Variants in ZCWPW2 observed in about 807,000 individuals in gnomAD.
The protein encoded by ZCWPW2 is zinc finger CW-type PWWP domain protein 2.
A neutral mutation model predicts 46.6 loss-of-function variants in ZCWPW2; 45 were observed. The ratio of observed to expected loss-of-function variants is 0.96; its 90% CI spans 0.76 to 1.24. The LOEUF (loss-of-function observed/expected upper bound fraction) is 1.24. ZCWPW2 is among the 50% of genes most tolerant of loss of function. The pLI is 0.00. For missense variants in ZCWPW2, 429 were observed against 403.9 expected (o/e 1.06, Z -0.53); for synonymous variants, 152 against 137.1 (o/e 1.11, Z -0.76).
At position 28,518,418 on chromosome 3, in the gene ZCWPW2, G is replaced by C. The variant is rs143907959; in HGVS notation, c.785-2574G>C. ...TTGATAACATAGTTTGTAGATTAAG[G>C]TAACTGCTATTTTTTGAGAATTATT... On this transcript the variant is annotated intron_variant, in intron 8 of 9. Transcript: ENST00000383768. Among the ~76,000 whole-genome samples, 38 of 152,144 alleles carry C rather than the reference G, an allele frequency of 2.5e-4. No homozygotes were observed. The East Asian group carries it at 4.2e-3, about 17-fold the overall frequency.
intron 1 of ZCWPW2, among the ~76,000 whole-genome samples, chr3:28,356,121 C>T (rs568840779): frequency 6.6e-6 from 1 of 152,144 alleles, no homozygotes; most frequent in Non-Finnish European, 1.5e-5. Flanking sequence ...GGGCTAATAT[C>T]CAGAATCGAC....
intron 1 of ZCWPW2, among the ~76,000 whole-genome samples, chr3:28,388,683 C>T (rs756138121): frequency 3.2e-4 from 49 of 152,166 alleles, no homozygotes; most frequent in Admixed American, 3.9e-4. Context: ...CTACTCATGA[C>T]AATTAAAATT....
chr3:28,482,073 A>G (rs1575187642), intron 5 of ZCWPW2, among the ~76,000 whole-genome samples: 1 of 152,314 alleles, frequency 6.6e-6, no homozygotes, highest in South Asian at 2.1e-4. Context: ...AGAAATGTAT[A>G]ATGACCTGTA....
intron 1 of ZCWPW2, among the ~76,000 whole-genome samples, chr3:28,365,134 A>G (rs1218510552): frequency 6.6e-6 from 1 of 151,126 alleles, no homozygotes; most frequent in African/African-American, 2.4e-5. Context: ...TTTGCTGTGC[A>G]GAAGCTCTTT....
intron 3 of ZCWPW2, among the ~76,000 whole-genome samples, chr3:28,427,596 G>A (rs562776893): frequency 1.3e-5 from 2 of 152,178 alleles, no homozygotes; most frequent in East Asian, 3.9e-4. Flanking sequence ...ATGAACAGAA[G>A]CTTTCTCTTT....
intron 2 of ZCWPW2, among the ~76,000 whole-genome samples, chr3:28,412,510 A>T (rs1440920847): frequency 3.9e-5 from 6 of 152,050 alleles, no homozygotes; most frequent in Admixed American, 2.0e-4. Flanking sequence ...GGGTAAGATC[A>T]CAAACTTAGA....
chr3:28,435,715 T>C (rs1213480793), intron 4 of ZCWPW2, among the ~76,000 whole-genome samples: 1 of 152,098 alleles, frequency 6.6e-6, no homozygotes, highest in Non-Finnish European at 1.5e-5. Context: ...CTCGAACTCC[T>C]GACCTTGTGA....
chr3:28,491,464 T>G (rs1316038588), intron 5 of ZCWPW2, among the ~76,000 whole-genome samples: 4 of 151,984 alleles, frequency 2.6e-5, no homozygotes. Flanking sequence ...AATGAGAAAA[T>G]GTACTAAATT....
chr3:28,484,812 G>A (rs1699541513), intron 5 of ZCWPW2, among the ~76,000 whole-genome samples: 1 of 150,822 alleles, frequency 6.6e-6, no homozygotes, highest in South Asian at 2.1e-4. Context: ...CTGCCTGCCT[G>A]CCTTCCTCTC....
intron 1 of ZCWPW2, among the ~76,000 whole-genome samples, chr3:28,382,517 GA>G (rs1030022777): frequency 6.6e-6 from 1 of 152,152 alleles, no homozygotes; most frequent in African/African-American, 2.4e-5. Context: ...TTTAACATGT[GA>G]ATTTTTTTGG....
At chr3:28,441,113 A>G (rs1697737533) in intron 4 of ZCWPW2, among the ~76,000 whole-genome samples, 2 of 152,182 alleles carry the variant, frequency 1.3e-5, no homozygotes, top group African/African-American at 4.8e-5. Flanking sequence ...GACAAAGATG[A>G]CTGGGGAAAG....
chr3:28,448,603 G>A (rs571818799), intron 4 of ZCWPW2, among the ~76,000 whole-genome samples: 72 of 151,506 alleles, frequency 4.8e-4, no homozygotes, highest in African/African-American at 1.7e-3. Flanking sequence ...TGGCCACCAT[G>A]GAAAAACCCC....
intron 5 of ZCWPW2, among the ~76,000 whole-genome samples, chr3:28,490,993 C>G (rs1020718102): frequency 5.9e-5 from 9 of 152,026 alleles, no homozygotes; most frequent in African/African-American, 2.2e-4. Flanking sequence ...TTATTGAACA[C>G]TTACTGCATA....
chr3:28,392,658 A>G (rs372420358), intron 2 of ZCWPW2, among the ~76,000 whole-genome samples: 7 of 152,302 alleles, frequency 4.6e-5, no homozygotes, highest in African/African-American at 1.7e-4. Context: ...TAACAGGAAG[A>G]ATATTATAAA....
chr3:28,439,882 C>T (rs1236114154), intron 4 of ZCWPW2, among the ~76,000 whole-genome samples: 1 of 152,198 alleles, frequency 6.6e-6, no homozygotes, highest in African/African-American at 2.4e-5. Flanking sequence ...AGTCCCATTT[C>T]TGCAGCTGGT....
chr3:28,386,360 C>T (rs1695272918), intron 1 of ZCWPW2, among the ~76,000 whole-genome samples: 1 of 152,120 alleles, frequency 6.6e-6, no homozygotes, highest in Admixed American at 6.6e-5. Context: ...AGAACCTTTA[C>T]CTTGAACTTC....
At chr3:28,500,276 A>G (rs917559206) in intron 6 of ZCWPW2, among the ~76,000 whole-genome samples, 1 of 152,116 alleles carries the variant, frequency 6.6e-6, no homozygotes. Flanking sequence ...AGAAATCTAT[A>G]TACTAATTTA....
intron 5 of ZCWPW2, among the ~76,000 whole-genome samples, chr3:28,487,744 A>T (rs1699653434): frequency 6.6e-6 from 1 of 152,176 alleles, no homozygotes; most frequent in African/African-American, 2.4e-5. Context: ...CAGTGGTAAG[A>T]CATGAGGGGG....
At chr3:28,360,349 CAAAAAAAAAAAAAAAA>C (rs71087692) in intron 1 of ZCWPW2, among the ~76,000 whole-genome samples, 3 of 53,926 alleles carry the variant, frequency 5.6e-5, no homozygotes, top group Non-Finnish European at 1.0e-4. Flanking sequence ...ACTAAAAATA[CAAAAAAAAAAAAAAAA>C]AAAAAAAAAT....
Sources: gnomAD v4.1 joint callset for allele counts (sites outside exome capture counted in the v4.1 genomes callset) on GRCh38, gnomAD v4.1.1 for gene constraint, MANE v1.5 for transcripts, NCBI Gene and HGNC (gene_info 2026-07-23, HGNC 2026-07-21) for gene names.